Variants in TOMT observed in about 807,000 individuals in gnomAD.
The protein encoded by TOMT is transmembrane O-methyltransferase.
A neutral mutation model predicts 21.7 loss-of-function variants in TOMT; 23 were observed. The ratio of observed to expected loss-of-function variants is 1.06; its 90% CI spans 0.76 to 1.50. The LOEUF (loss-of-function observed/expected upper bound fraction) is 1.50. Ranked by LOEUF, TOMT falls within the 40% of genes most tolerant of loss-of-function variation. The pLI, the probability that TOMT is intolerant of heterozygous loss-of-function variation, is 0.00. For missense variants in TOMT, 331 were observed against 348.7 expected (o/e 0.95, Z 0.41); for synonymous variants, 132 against 150.8 (o/e 0.88, Z 0.91).
At chr11:72,106,433 GA>G in intron 1 of TOMT, 1 of 463,200 alleles carries the variant, frequency 2.2e-6, no homozygotes, top group Non-Finnish European at 3.7e-6. Flanking sequence ...GTGCCAGGGA[GA>G]GGGGTAGAGG....
chr11:72,109,582 A>C (rs1330682105), downstream of TOMT: 1 of 520,116 alleles, frequency 1.9e-6, no homozygotes, highest in African/African-American at 1.9e-5. Flanking sequence ...GGGAATAGAC[A>C]TGGGTGGAAA....
chr11:72,108,020 C>T lies in TOMT; in HGVS notation c.357C>T (p.Ala119=), dbSNP rs1232522920. ...ACTCTACCCTGCTTATTGCCCGAGC[C>T]CTGCCCCCTGGGGGTCGCCTTCTTA... Residue 119 remains alanine (A), a synonymous_variant, in exon 2 of 3, where the codon GCC becomes GCT. Coordinates refer to ENST00000541899, the Ensembl canonical transcript of TOMT. The T allele has an allele frequency of 3.9e-6, 6 of 1,551,692 alleles. No individual in the cohort carries two copies. The highest frequency in any genetic ancestry group is 4.4e-6 in the Non-Finnish European group (5 of 1,146,958).
exon 3 of TOMT, chr11:72,108,699 G>T (rs372524977): frequency 1.9e-6 from 3 of 1,546,972 alleles, no homozygotes; most frequent in Non-Finnish European, 2.6e-6. Flanking sequence ...CTGGCACACC[G>T]GCCACGATGT....
intron 2 of TOMT, 126 bp from the exon 3 acceptor site, chr11:72,108,479 G>A (rs1375185417): frequency 3.9e-6 from 3 of 777,390 alleles, no homozygotes; most frequent in Non-Finnish European, 3.9e-6. Flanking sequence ...GAGGTCAGAG[G>A]AAATGTGAGA....
At chr11:72,109,478 C>A (rs1290943997), downstream of TOMT, 1 of 389,160 alleles carries the variant, frequency 2.6e-6, no homozygotes, top group Non-Finnish European at 5.0e-6. Flanking sequence ...CTCTGGCCCA[C>A]CTAGCCAATT....
intron 2 of TOMT, 146 bp from the exon 3 acceptor site, chr11:72,108,459 C>T: frequency 1.5e-6 from 1 of 674,704 alleles, no homozygotes; most frequent in Non-Finnish European, 2.3e-6. Context: ...ATCCTGACTT[C>T]TTAGGTTCTG....
chr11:72,109,100 T>C (rs1452914803), exon 3 of TOMT: 2 of 613,754 alleles, frequency 3.3e-6, no homozygotes, highest in East Asian at 5.6e-5. Flanking sequence ...AAGTGTCAAG[T>C]TCTATCAGGC....
At chr11:72,109,289 G>C in exon 3 of TOMT, 1 of 472,152 alleles carries the variant, frequency 2.1e-6, no homozygotes, top group Non-Finnish European at 4.2e-6. Context: ...AGAGCTCCAG[G>C]GGCCTCCCAG....
chr11:72,107,356 A>C (rs1279460255), intron 1 of TOMT: 1 of 654,204 alleles, frequency 1.5e-6, no homozygotes, highest in Admixed American at 2.3e-5. Flanking sequence ...AAATTCTAAC[A>C]GAGACCTTTC....
Position 72,106,213 on chromosome 11 carries a change from C to A in TOMT, c.259+3C>A. ...GAGCCACATGGGGCCTGTCAAAGGT[C>A]AGTGTTCCCTAGCCTTCTGCTCCAA... On this transcript the variant is annotated splice_donor_region_variant and intron_variant, in intron 1 of 2. Transcript: ENST00000541899. The A allele has an allele frequency of 1.3e-6, 2 of 1,483,226 alleles. No homozygotes were observed. The highest frequency in any genetic ancestry group is 1.8e-6 in the Non-Finnish European group (2 of 1,111,956). The allele number at this position is 1,483,226 out of a possible 1,614,324, so 91.9% of individuals were successfully genotyped here.
chr11:72,108,893 A>C lies in TOMT; in HGVS notation c.745A>C (p.Ile249Leu), dbSNP rs727503153. Residue 249 changes from isoleucine (I) to leucine (L), a missense_variant, in exon 3 of 3, where the codon ATA (isoleucine) becomes CTA (leucine). By Grantham distance (5) the Ile-to-Leu change is conservative (BLOSUM62 2). Coordinates refer to ENST00000541899, the Ensembl canonical transcript of TOMT. The stretch of plus-strand genomic sequence containing the variant: ...AGACTTCCCTGCCATCAAGGATGGA[A>C]TAGCTCAGCTCACCTATGCTGGACC... 2.4e-5 allele frequency: 37 copies of C among 1,548,406 alleles called. No homozygotes were observed. The African/African-American group carries it at 4.0e-4, about 17-fold the overall frequency.
chr11:72,108,629 G>T lies in TOMT; in HGVS notation c.481G>T (p.Glu161Ter). The change falls in exon 3 of 3, where the codon GAG becomes TAG. Residue 161 changes from glutamate to a stop codon, truncating the protein, a stop_gained. Transcript: ENST00000541899. LOFTEE classifies it high-confidence loss of function. ...GGTGGAGCTCATCGTGGGCAGCTCA[G>T]AGGACGTGATCCCGTGCCTACGCAC... 6.7e-7 allele frequency: 1 copy of T among 1,489,554 alleles called. No individual in the cohort carries two copies. 92.3% of individuals were successfully genotyped at this position (1,489,554 alleles called of 1,614,324 possible).
intron 1 of TOMT, 90 bp downstream of exon 1, chr11:72,106,300 G>C (rs561660987): frequency 2.4e-5 from 32 of 1,339,516 alleles, no homozygotes; most frequent in Admixed American, 3.1e-5. Flanking sequence ...TGGATGAATT[G>C]GGCAGGTTCT....
chr11:72,109,384 C>A (rs1371675893), downstream of TOMT: 1 of 461,438 alleles, frequency 2.2e-6, no homozygotes, highest in South Asian at 1.5e-5. Context: ...AGACGCCCTG[C>A]AGGAATAGCT....
At chr11:72,107,040 AG>A in intron 1 of TOMT, 1 of 185,178 alleles carries the variant, frequency 5.4e-6, no homozygotes, top group South Asian at 1.4e-4. Flanking sequence ...CCAAAGCAGG[AG>A]GATCACTTGA....
At chr11:72,106,208 A>G in exon 1 of TOMT, 7 of 1,489,754 alleles carry the variant, frequency 4.7e-6, no homozygotes, top group Non-Finnish European at 6.3e-6. Flanking sequence ...GGGCCTGTCA[A>G]AGGTCAGTGT....
intron 1 of TOMT, chr11:72,107,502 T>C (rs376490919): frequency 1.0e-5 from 7 of 702,958 alleles, no homozygotes; most frequent in African/African-American, 7.0e-5. Flanking sequence ...CAGCCACATA[T>C]ACACATGTGG....
rs1565329758 is a variant in TOMT at position 72,106,046 on chromosome 11, T to TGCTGC, written c.97_101dup (p.Ser35CysfsTer47). 2 of 1,551,082 alleles carry TGCTGC rather than the reference T, an allele frequency of 1.3e-6. No homozygotes were observed. The highest frequency in any genetic ancestry group is 1.7e-6 in the Non-Finnish European group (2 of 1,146,988). ...TTCCGATTGCTGGTGCGCACGGTCT[T>TGCTGC]GCTGCGAAGCCTCCGAGACTGCCTG... On this transcript the variant is annotated frameshift_variant, in exon 1 of 3. Coordinates refer to ENST00000541899, the Ensembl canonical transcript of TOMT. LOFTEE classifies it high-confidence loss of function.
chr11:72,107,703 G>A lies in TOMT; in HGVS notation c.260-220G>A, dbSNP rs539929174. On this transcript the variant is annotated intron_variant, in intron 1 of 2. Coordinates refer to ENST00000541899, the Ensembl canonical transcript of TOMT. ...GCCTTCAGCTCACAGGAGCCAAGGA[G>A]TAATAAGGTCAGATTTGTTGGAAAG... is the stretch of plus-strand genomic sequence containing the variant. 32 of 619,870 alleles carry A rather than the reference G, an allele frequency of 5.2e-5. No homozygotes were observed. The African/African-American group carries it at 5.3e-4, about 10-fold the overall frequency. 38.4% of individuals were successfully genotyped at this position (619,870 alleles called of 1,614,324 possible). A position where few individuals can be genotyped will look rare whatever the true frequency, so the allele number is the denominator to read the frequency against.
Sources: gnomAD v4.1 joint callset for allele counts on GRCh38, gnomAD v4.1.1 for gene constraint, MANE v1.5 for transcripts, NCBI Gene and HGNC (gene_info 2026-07-23, HGNC 2026-07-21) for gene names.